CAMKK1: variants seen among roughly 807,000 people sequenced by gnomAD.
The protein encoded by CAMKK1 is calcium/calmodulin-dependent protein kinase kinase 1.
CAMKK1 carries 20 observed loss-of-function variants against 63.5 expected under a neutral mutation model. The observed-to-expected ratio is 0.32, with a 90% confidence interval of 0.22 to 0.46. The LOEUF (loss-of-function observed/expected upper bound fraction) is 0.46, where lower values mean the gene tolerates loss of function less well. Among genes scored for constraint, CAMKK1 ranks in the 20% least tolerant of loss-of-function variants. The pLI is 1.00. For synonymous variants in CAMKK1, 253 were observed against 269.0 expected, an observed-to-expected ratio of 0.94 and a Z score of 0.58; for missense variants, 588 against 658.1, an observed-to-expected ratio of 0.89 and a Z score of 1.17.
At chr17:3,876,071 G>A (rs2143841142) in intron 10 of CAMKK1, 152 bp downstream of exon 10, 1 of 718,372 alleles carries the variant, frequency 1.4e-6, no homozygotes, top group Non-Finnish European at 2.3e-6. Flanking sequence ...GAAGGCCAAA[G>A]TTGTGGAGTT....
rs1159161691 is a variant in CAMKK1 at position 3,876,363 on chromosome 17, C to T, written c.856G>A (p.Asp286Asn). 1 of 1,614,260 alleles carries T rather than the reference C, an allele frequency of 6.2e-7. No individual in the cohort carries two copies. Among genetic ancestry groups the T allele is most frequent in the Admixed American group, 1.7e-5 (1 of 60,034 alleles). Residue 286 changes from aspartate (D) to asparagine (N), a missense_variant, in exon 10 of 16, where the codon GAT (aspartate) becomes AAT (asparagine). This residue lies in a region of CAMKK1 where 357 missense variants were observed against 407.4 expected (regional missense o/e 0.88). Coordinates refer to ENST00000348335, the MANE Select transcript of CAMKK1 (RefSeq NM_032294.3). The stretch of plus-strand genomic sequence containing the variant: ...AAGTCGGCGATCTTCACGTGCCCAT[C>T]ATCCCCCAGGAGCAGGTTGGATGGC... ...IKPSNLLLGD[D>N]GHVKIADFGV...
rs9912447 is a variant in CAMKK1, at chr17:3,882,937, C to T, written c.648+105G>A. On this transcript the variant is annotated intron_variant, in intron 6 of 15. Coordinates refer to ENST00000348335, the MANE Select transcript of CAMKK1 (RefSeq NM_032294.3). The surrounding 1 kb of genome is among the most constrained non-coding windows in gnomAD (Gnocchi z 4.3). ...CCTCAGAGGCCTCAGCCACATCTGC[C>T]ACCTGGGCAAGATCCCTGGGTCTGT... The T allele has an allele frequency of 0.023, 33,061 of 1,459,162 alleles. 1,974 individuals are homozygous for T. Among genetic ancestry groups the T allele is most frequent in the African/African-American group, 0.23 (16,027 of 71,196 alleles). 90.4% of individuals were successfully genotyped at this position (1,459,162 alleles called of 1,614,324 possible).
At chr17:3,878,222 A>G (rs2055254457) in intron 9 of CAMKK1, among the ~76,000 whole-genome samples, 1 of 152,016 alleles carries the variant, frequency 6.6e-6, no homozygotes. Context: ...GAGCCCTCTC[A>G]TGGCAGCCTC....
chr17:3,888,493 GT>G (rs1325475888), intron 1 of CAMKK1, among the ~76,000 whole-genome samples: 1 of 152,222 alleles, frequency 6.6e-6, no homozygotes, highest in African/African-American at 2.4e-5. Context: ...TGTGCCTTGG[GT>G]TTTCCTCGCC....
rs139514019 is a variant in CAMKK1 at position 3,873,581 on chromosome 17, C to G, written c.997-119G>C. 2.5e-3 allele frequency: 2,328 copies of G among 937,216 alleles called. 7 individuals are homozygous for G. The highest frequency in any genetic ancestry group is 3.1e-3 in the Non-Finnish European group (1,810 of 583,290). The allele number at this position is 937,216 out of a possible 1,614,324, so 58.1% of individuals were successfully genotyped here. A position where few individuals can be genotyped will look rare whatever the true frequency, so the allele number is the denominator to read the frequency against. ...CTCTTTCCTCTGTCATGCACTCACTCGACAAACACTCCGCGGTACTTGCCC... is the reference window on the plus strand; with the variant it reads ...CTCTTTCCTCTGTCATGCACTCACTGGACAAACACTCCGCGGTACTTGCCC... On this transcript the variant is annotated intron_variant, in intron 10 of 15. Transcript: ENST00000348335.
At chr17:3,875,713 C>A (rs962517554) in intron 10 of CAMKK1, among the ~76,000 whole-genome samples, 3 of 152,188 alleles carry the variant, frequency 2.0e-5, no homozygotes, top group South Asian at 2.1e-4. Context: ...GACCGTGTAA[C>A]CTCTTGTTCA....
rs1301062336 is a variant in CAMKK1, at chr17:3,862,740, C to G, written c.1446-457G>C. 6.6e-6 allele frequency among the ~76,000 whole-genome samples: 1 copy of G among 152,232 alleles called. No homozygotes were observed. Among genetic ancestry groups the G allele is most frequent in the Non-Finnish European group, 1.5e-5 (1 of 68,046 alleles). On this transcript the variant is annotated intron_variant, in intron 15 of 15. Coordinates refer to ENST00000348335, the MANE Select transcript of CAMKK1 (RefSeq NM_032294.3). This position sits in a 1 kb window ranked among gnomAD's most constrained non-coding sequence, Gnocchi z 4.1. ...TGCCTTCCAGGCTCAAGCGATCCTCCCACCTCAGCCTCCTGAGTAGCTGAG... is the reference window on the plus strand; with the variant it reads ...TGCCTTCCAGGCTCAAGCGATCCTCGCACCTCAGCCTCCTGAGTAGCTGAG...
chr17:3,863,865 A>C (rs2054410406), intron 15 of CAMKK1, among the ~76,000 whole-genome samples: 1 of 152,286 alleles, frequency 6.6e-6, no homozygotes, highest in South Asian at 2.1e-4. Flanking sequence ...GGCTTGTTCC[A>C]CCACTAGGGG....
At chr17:3,891,926 G>T (rs1027418307) in intron 1 of CAMKK1, among the ~76,000 whole-genome samples, 14 of 152,234 alleles carry the variant, frequency 9.2e-5, no homozygotes, top group African/African-American at 3.4e-4. Context: ...GACTCCCATG[G>T]CTGCTGTGAG....
intron 12 of CAMKK1, among the ~76,000 whole-genome samples, chr17:3,871,569 G>C (rs995614482): frequency 6.7e-6 from 1 of 149,966 alleles, no homozygotes; most frequent in Non-Finnish European, 1.5e-5. Context: ...TGTTAGCCAG[G>C]ATGGTCTCGA....
In CAMKK1 at chr17:3,872,597, G is replaced by A. The variant is rs2054938557; in HGVS notation, c.1081C>T (p.Leu361Phe). 1 of 1,613,998 alleles carries A rather than the reference G, an allele frequency of 6.2e-7. No individual in the cohort carries two copies. The highest frequency in any genetic ancestry group is 1.3e-5 in the African/African-American group (1 of 75,046). Residue 361 changes from leucine to phenylalanine, a missense_variant, in exon 12 of 16, where the codon CTC becomes TTC. Coordinates refer to ENST00000348335, the MANE Select transcript of CAMKK1 (RefSeq NM_032294.3). ...GGCTCATTCTTGATCTTCCTGTGGAGGGCCAGGATGAAATCGTCGATGAAT... is the reference window on the plus strand; with the variant it reads ...GGCTCATTCTTGATCTTCCTGTGGAAGGCCAGGATGAAATCGTCGATGAAT... ...CPFIDDFILA[L>F]HRKIKNEPVV...
At chr17:3,870,033 G>C (rs566032016) in intron 12 of CAMKK1, 145 bp from the exon 13 acceptor site, 1 of 676,522 alleles carries the variant, frequency 1.5e-6, no homozygotes, top group South Asian at 1.8e-5. Context: ...AGGGCTTGGA[G>C]AGCCTTTCCT....
At chr17:3,868,973 CTTT>C (rs146125805) in intron 14 of CAMKK1, among the ~76,000 whole-genome samples, 1 of 125,090 alleles carries the variant, frequency 8.0e-6, no homozygotes, top group Admixed American at 8.4e-5. Context: ...TTCTTTTCTT[CTTT>C]TTTTTTTTTT....
In CAMKK1 at chr17:3,885,675, G is replaced by C; in HGVS notation, c.13C>G (p.Pro5Ala). The C allele has an allele frequency of 6.2e-7, 1 of 1,613,088 alleles. No individual in the cohort carries two copies. Among genetic ancestry groups the C allele is most frequent in the Non-Finnish European group, 8.5e-7 (1 of 1,180,016 alleles). MEGG[P>A]AVCCQDPRAE... ...CGAGGATCCTGGCAGCAGACAGCTG[G>C]ACCCCCCTCCATTGCTTCAGTCAAG... The change falls in exon 2 of 16, where the codon CCA becomes GCA. Residue 5 changes from proline (P) to alanine (A), a missense_variant. Pro to Ala is a conservative substitution (Grantham distance 27, BLOSUM62 -1). Around this residue, in one of 3 missense-constraint regions of CAMKK1, gnomAD observed 357 missense variants for 407.4 expected, o/e 0.88. Coordinates refer to ENST00000348335, the MANE Select transcript of CAMKK1 (RefSeq NM_032294.3).
At chr17:3,880,095 A>T in intron 9 of CAMKK1, 1 of 527,400 alleles carries the variant, frequency 1.9e-6, no homozygotes, top group African/African-American at 1.9e-5. Flanking sequence ...AAGATACAGA[A>T]CAGCCAGGAC....
At chr17:3,863,883 A>G (rs1039890974) in intron 15 of CAMKK1, among the ~76,000 whole-genome samples, 2 of 152,080 alleles carry the variant, frequency 1.3e-5, no homozygotes, top group African/African-American at 2.4e-5. Flanking sequence ...GGGGTGCTGG[A>G]CCACAGGCTC....
Position 3,876,277 on chromosome 17 carries a change from T to C in CAMKK1, c.942A>G (p.Pro314=), listed in dbSNP as rs1267013871. 1.9e-6 allele frequency: 3 copies of C among 1,614,098 alleles called. No individual in the cohort carries two copies. Among genetic ancestry groups the C allele is most frequent in the Non-Finnish European group, 2.5e-6 (3 of 1,180,044 alleles). ...AAATGGCCTCGGGGGCCATGAATGC[T>C]GGGGTTCCCGCCGTGCTGGACAGCT... ...DAQLSSTAGT[P]AFMAPEAISD... Residue 314 remains proline, a synonymous_variant, in exon 10 of 16, where the codon CCA becomes CCG. Coordinates refer to ENST00000348335, the MANE Select transcript of CAMKK1 (RefSeq NM_032294.3).
At chr17:3,886,261 A>C (rs974227713) in intron 1 of CAMKK1, among the ~76,000 whole-genome samples, 1 of 151,912 alleles carries the variant, frequency 6.6e-6, no homozygotes, top group Admixed American at 6.6e-5. Flanking sequence ...TCCTACCCCC[A>C]TCCCTCTCAC....
intron 10 of CAMKK1, 129 bp downstream of exon 10, chr17:3,876,094 A>C (rs553210634): frequency 2.5e-4 from 213 of 866,524 alleles, no homozygotes; most frequent in Middle Eastern, 3.5e-4. Context: ...TCAGGCTCCA[A>C]GGAAGAGGCA....
Sources: gnomAD v4.1 joint callset for allele counts (sites outside exome capture counted in the v4.1 genomes callset) on GRCh38, gnomAD v4.1.1 for gene constraint, gnomAD v4.1.1 regional missense constraint, Gnocchi (gnomAD v3.1) non-coding constraint, MANE v1.5 for transcripts, NCBI Gene and HGNC (gene_info 2026-07-23, HGNC 2026-07-21) for gene names.